Variants in SLC25A21 observed in about 807,000 individuals in gnomAD.
SLC25A21 encodes the protein solute carrier family 25 member 21.
Under a neutral mutation model 43.8 loss-of-function variants are expected in SLC25A21, and 47 were observed. The observed-to-expected ratio is 1.07, with a 90% CI of 0.85 to 1.37. The LOEUF (loss-of-function observed/expected upper bound fraction) is 1.37, where lower values mean the gene tolerates loss of function less well. Ranked by LOEUF, SLC25A21 falls within the 40% of genes most tolerant of loss-of-function variation. The pLI, the probability that SLC25A21 is intolerant of heterozygous loss-of-function variation, is 0.00. For synonymous variants in SLC25A21, 131 were observed against 121.3 expected, an observed-to-expected ratio of 1.08 and a Z score of -0.52; for missense variants, 352 against 350.2, an observed-to-expected ratio of 1.00 and a Z score of -0.04.
At chr14:37,069,269 G>T (rs1370514761) in intron 1 of SLC25A21, among the ~76,000 whole-genome samples, 4 of 152,072 alleles carry the variant, frequency 2.6e-5, no homozygotes, top group African/African-American at 9.7e-5. Context: ...TCAGATTCAG[G>T]GGTGTGGTTT....
At chr14:36,820,775 GATA>G (rs1185688803) in intron 2 of SLC25A21, among the ~76,000 whole-genome samples, 1 of 152,158 alleles carries the variant, frequency 6.6e-6, no homozygotes, top group Non-Finnish European at 1.5e-5. Flanking sequence ...GTTGTATACT[GATA>G]ATAAGTGGTG....
At chr14:36,838,337 G>A (rs1257150830) in intron 2 of SLC25A21, among the ~76,000 whole-genome samples, 4 of 152,200 alleles carry the variant, frequency 2.6e-5, no homozygotes, top group Non-Finnish European at 5.9e-5. Context: ...AGTACAGCAC[G>A]ACACCTTCTC....
intron 1 of SLC25A21, among the ~76,000 whole-genome samples, chr14:37,058,665 T>G (rs1441801043): frequency 6.6e-6 from 1 of 152,210 alleles, no homozygotes; most frequent in African/African-American, 2.4e-5. Flanking sequence ...TGACATATAT[T>G]GTTACAATAT....
chr14:37,150,074 T>C (rs1279437701), intron 1 of SLC25A21, among the ~76,000 whole-genome samples: 3 of 152,166 alleles, frequency 2.0e-5, no homozygotes, highest in Non-Finnish European at 4.4e-5. Flanking sequence ...TTCATACATA[T>C]ACCCAATTTC....
chr14:37,149,448 T>A (rs565867630), intron 1 of SLC25A21, among the ~76,000 whole-genome samples: 188 of 151,578 alleles, frequency 1.2e-3, no homozygotes, highest in Non-Finnish European at 2.4e-3. Context: ...AACTGCTCCA[T>A]CAAAAAAAAA....
At chr14:36,813,491 C>A (rs1407456944) in intron 3 of SLC25A21, among the ~76,000 whole-genome samples, 2 of 152,058 alleles carry the variant, frequency 1.3e-5, no homozygotes, top group African/African-American at 4.8e-5. Context: ...TCCCAAGCAG[C>A]TGGAACTACA....
At chr14:36,861,709 C>T (rs1459550129) in intron 2 of SLC25A21, among the ~76,000 whole-genome samples, 1 of 152,154 alleles carries the variant, frequency 6.6e-6, no homozygotes, top group Non-Finnish European at 1.5e-5. Flanking sequence ...AAAACTGTTA[C>T]AATAGCAAAA....
intron 1 of SLC25A21, among the ~76,000 whole-genome samples, chr14:37,002,984 C>T (rs980712391): frequency 2.0e-5 from 3 of 152,184 alleles, no homozygotes; most frequent in African/African-American, 4.8e-5. Flanking sequence ...CCAACAGAAA[C>T]AGTCATGTGT....
intron 1 of SLC25A21, among the ~76,000 whole-genome samples, chr14:37,006,804 A>G (rs190282228): frequency 6.6e-6 from 1 of 152,320 alleles, no homozygotes; most frequent in East Asian, 1.9e-4. Flanking sequence ...ATGGAGATTT[A>G]GAAGCACAGA....
At chr14:36,931,028 C>T (rs1312352786) in intron 1 of SLC25A21, among the ~76,000 whole-genome samples, 1 of 152,110 alleles carries the variant, frequency 6.6e-6, no homozygotes, top group Non-Finnish European at 1.5e-5. Context: ...GCCCATCTGA[C>T]ACCTCTCCTC....
intron 1 of SLC25A21, among the ~76,000 whole-genome samples, chr14:37,028,119 TA>T (rs1191560548): frequency 2.6e-5 from 4 of 152,158 alleles, no homozygotes; most frequent in Admixed American, 2.0e-4. Context: ...TAACTGTAAA[TA>T]TTTTTTTGTA....
intron 1 of SLC25A21, among the ~76,000 whole-genome samples, chr14:36,929,429 G>A (rs1956588282): frequency 6.6e-6 from 1 of 152,062 alleles, no homozygotes; most frequent in Non-Finnish European, 1.5e-5. Context: ...TTAGTTCACT[G>A]GCTATCCCTG....
chr14:36,952,842 T>C (rs1241905134), intron 1 of SLC25A21, among the ~76,000 whole-genome samples: 2 of 152,200 alleles, frequency 1.3e-5, no homozygotes, highest in Non-Finnish European at 1.5e-5. Context: ...TTGGGTTTGG[T>C]TCCCAAGTTG....
chr14:36,679,725 T>G lies in SLC25A21; in HGVS notation c.*933A>C. The G allele has an allele frequency of 1.0e-6, 1 of 985,444 alleles. No individual in the cohort carries two copies. The highest frequency in any genetic ancestry group is 1.2e-6 in the Non-Finnish European group (1 of 829,912). 61.0% of individuals were successfully genotyped at this position (985,444 alleles called of 1,614,324 possible). ...AAATGCAGTTCTGTTCTATACATTC[T>G]TCCTAAAAATGGCACAGGTAGGCAT... On this transcript the variant is annotated 3_prime_UTR_variant, in exon 10 of 10. Coordinates refer to ENST00000331299, the MANE Select transcript of SLC25A21 (RefSeq NM_030631.4).
chr14:36,923,567 T>C (rs1297841687), intron 1 of SLC25A21, among the ~76,000 whole-genome samples: 2 of 152,060 alleles, frequency 1.3e-5, no homozygotes, highest in Admixed American at 6.6e-5. Flanking sequence ...TAAACAACAA[T>C]AGACTTTTTA....
At chr14:37,133,143 G>GCGCA (rs144803616) in intron 1 of SLC25A21, among the ~76,000 whole-genome samples, 10 of 147,962 alleles carry the variant, frequency 6.8e-5, no homozygotes, top group African/African-American at 2.5e-4. Flanking sequence ...GTGCACTCGT[G>GCGCA]CACACACACA....
At chr14:36,902,880 G>A (rs1041435594) in intron 1 of SLC25A21, among the ~76,000 whole-genome samples, 1 of 152,130 alleles carries the variant, frequency 6.6e-6, no homozygotes, top group African/African-American at 2.4e-5. Context: ...AGATACTCAA[G>A]AGACTGAGGC....
rs112909262 is a variant in SLC25A21 at position 36,927,003 on chromosome 14, C to G, written c.71-51999G>C. On this transcript the variant is annotated intron_variant, in intron 1 of 9. Coordinates refer to ENST00000331299, the MANE Select transcript of SLC25A21 (RefSeq NM_030631.4). ...TGGGCAACATGGTGAAACCCCAACT[C>G]TACTAGAAATGCAAAAATCAGCCAG... 4.3e-3 allele frequency among the ~76,000 whole-genome samples: 651 copies of G among 152,128 alleles called. 6 individuals carry two copies. The highest frequency in any genetic ancestry group is 0.015 in the African/African-American group (617 of 41,516).
chr14:37,013,377 A>C (rs1960775311), intron 1 of SLC25A21, among the ~76,000 whole-genome samples: 1 of 152,138 alleles, frequency 6.6e-6, no homozygotes, highest in Non-Finnish European at 1.5e-5. Context: ...TGGGTTTGCT[A>C]TGACTATTGT....
Sources: gnomAD v4.1 joint callset for allele counts (sites outside exome capture counted in the v4.1 genomes callset) on GRCh38, gnomAD v4.1.1 for gene constraint, MANE v1.5 for transcripts, NCBI Gene and HGNC (gene_info 2026-07-23, HGNC 2026-07-21) for gene names.